Variants in CYRIB observed in about 807,000 individuals in gnomAD.
CYRIB encodes CYFIP-related Rac1 interactor B.
Under a neutral mutation model 44.2 loss-of-function variants are expected in CYRIB, and 8 were observed. The observed-to-expected ratio is 0.18, with a 90% confidence interval of 0.11 to 0.33. The LOEUF is 0.33. Among genes scored for constraint, CYRIB ranks in the 10% least tolerant of loss-of-function variants. CYRIB has a pLI of 1.00. For synonymous variants in CYRIB, 131 were observed against 127.2 expected (o/e 1.03, Z -0.20); for missense variants, 185 against 382.8 (o/e 0.48, Z 4.31).
At chr8:129,842,022 CAG>C (rs1289615890) in exon 12 of CYRIB, 1 of 697,436 alleles carries the variant, frequency 1.4e-6, no homozygotes, top group Admixed American at 2.8e-5. Context: ...GGAAGAGGAA[CAG>C]AGGAAAGAAA....
At chr8:129,976,794 G>C (rs2095939526) in intron 1 of CYRIB, among the ~76,000 whole-genome samples, 1 of 152,094 alleles carries the variant, frequency 6.6e-6, no homozygotes, top group Admixed American at 6.6e-5. Flanking sequence ...TCAGAAGAAA[G>C]AGTTTTTGTG....
At chr8:129,888,178 G>A (rs1257588725) in intron 2 of CYRIB, among the ~76,000 whole-genome samples, 1 of 152,134 alleles carries the variant, frequency 6.6e-6, no homozygotes, top group East Asian at 1.9e-4. Flanking sequence ...TTGTGATAGT[G>A]AGTTCTCATG....
At chr8:129,938,999 G>T (rs893241843) in intron 1 of CYRIB, among the ~76,000 whole-genome samples, 1 of 152,136 alleles carries the variant, frequency 6.6e-6, no homozygotes, top group African/African-American at 2.4e-5. Flanking sequence ...GACTTTAAAC[G>T]CTGATCATTA....
At chr8:129,980,680 A>G (rs2096195325) in intron 1 of CYRIB, among the ~76,000 whole-genome samples, 1 of 151,028 alleles carries the variant, frequency 6.6e-6, no homozygotes, top group African/African-American at 2.4e-5. Flanking sequence ...AAGAAAAAGA[A>G]AAAAAAAACC....
At chr8:129,993,045 G>A (rs1346876657) in intron 1 of CYRIB, among the ~76,000 whole-genome samples, 1 of 152,180 alleles carries the variant, frequency 6.6e-6, no homozygotes, top group African/African-American at 2.4e-5. Flanking sequence ...GGGGTCAGCA[G>A]GGTAACCGTG....
At chr8:129,995,552 G>A (rs2096745964) in intron 1 of CYRIB, among the ~76,000 whole-genome samples, 1 of 152,240 alleles carries the variant, frequency 6.6e-6, no homozygotes, top group Admixed American at 6.5e-5. Flanking sequence ...GGGCACTGGA[G>A]TTACAAAGAT....
At chr8:129,932,142 G>C (rs1474864268) in intron 1 of CYRIB, among the ~76,000 whole-genome samples, 2 of 151,852 alleles carry the variant, frequency 1.3e-5, no homozygotes, top group African/African-American at 4.8e-5. Flanking sequence ...GGGATTACAG[G>C]TGCTCACCAC....
rs1359122569 is a variant in CYRIB at position 130,006,607 on chromosome 8, C to CACACATATATGTGTATATATATAT, written c.-296+9762_-296+9763insATATATATATACACATATATGTGT. ...TAAAAACACAAATTATATATATATA[C>CACACATATATGTGTATATATATAT]ATATATATGTGTATATATATACATA... On this transcript the variant is annotated intron_variant, in intron 1 of 14. Transcript: ENST00000401979. Among the ~76,000 whole-genome samples the CACACATATATGTGTATATATATAT allele has an allele frequency of 4.2e-4, 3 of 7,120 alleles. No individual in the cohort carries two copies. The South Asian group carries it at 0.014, about 33-fold the overall frequency. 4.7% of individuals were successfully genotyped at this position (7,120 alleles called of 152,430 possible).
At chr8:130,001,675 C>T (rs760914899) in intron 1 of CYRIB, among the ~76,000 whole-genome samples, 13 of 151,684 alleles carry the variant, frequency 8.6e-5, no homozygotes, top group Admixed American at 2.0e-4. Context: ...ACTACACGTG[C>T]GCCACCACGC....
At chr8:129,933,014 A>G (rs567098638) in intron 1 of CYRIB, among the ~76,000 whole-genome samples, 66 of 152,314 alleles carry the variant, frequency 4.3e-4, no homozygotes, top group African/African-American at 1.6e-3. Context: ...GGGGAGTATC[A>G]TAACAATAAG....
chr8:129,924,029 G>A (rs1016262779), intron 1 of CYRIB, among the ~76,000 whole-genome samples: 5 of 148,642 alleles, frequency 3.4e-5, no homozygotes, highest in African/African-American at 1.2e-4. Flanking sequence ...CCAACACTTT[G>A]CAAGGCTGAG....
intron 1 of CYRIB, among the ~76,000 whole-genome samples, chr8:130,006,627 T>C (rs796635447): frequency 0.3 from 2,271 of 7,524 alleles, 84 homozygotes; most frequent in East Asian, 0.56. Flanking sequence ...TGTATATATA[T>C]ACATATATAT....
intron 2 of CYRIB, among the ~76,000 whole-genome samples, chr8:129,895,698 A>G (rs143221308): frequency 1.1e-3 from 172 of 152,102 alleles, no homozygotes; most frequent in African/African-American, 3.3e-3. Flanking sequence ...TTGGTTATTT[A>G]TTTATGTATT....
At chr8:129,997,171 A>C (rs1274247440) in intron 1 of CYRIB, among the ~76,000 whole-genome samples, 2 of 150,342 alleles carry the variant, frequency 1.3e-5, no homozygotes, top group Non-Finnish European at 2.9e-5. Flanking sequence ...ATACCAAGTG[A>C]TCTATTCAAG....
upstream of CYRIB, among the ~76,000 whole-genome samples, chr8:129,943,454 A>G (rs2093884667): frequency 6.6e-6 from 1 of 151,056 alleles, no homozygotes; most frequent in Non-Finnish European, 1.5e-5. Flanking sequence ...TTAACCAAAC[A>G]TGGTGGCACG....
chr8:130,007,240 C>G (rs1190210621), intron 1 of CYRIB, among the ~76,000 whole-genome samples: 1 of 152,146 alleles, frequency 6.6e-6, no homozygotes, highest in East Asian at 1.9e-4. Context: ...CCTCTCCCAG[C>G]AGGGTCCAGC....
intron 1 of CYRIB, among the ~76,000 whole-genome samples, chr8:130,014,893 T>C (rs1234579327): frequency 6.6e-6 from 1 of 152,112 alleles, no homozygotes; most frequent in Non-Finnish European, 1.5e-5. Context: ...TTCCCCCACA[T>C]TACAGGAACC....
intron 1 of CYRIB, among the ~76,000 whole-genome samples, chr8:130,013,371 C>G (rs546251121): frequency 4.2e-4 from 64 of 152,296 alleles, no homozygotes; most frequent in African/African-American, 1.4e-3. Context: ...ATCTTACTCT[C>G]TTACTCAGGA....
At chr8:129,844,552 CTCTT>C (rs995326337) in intron 11 of CYRIB, 2 of 152,108 alleles carry the variant, frequency 1.3e-5, no homozygotes, top group East Asian at 1.9e-4. Context: ...ACTCCCAGCT[CTCTT>C]TTTTTCTTTC....
Sources: gnomAD v4.1 joint callset for allele counts (sites outside exome capture counted in the v4.1 genomes callset) on GRCh38, gnomAD v4.1.1 for gene constraint, MANE v1.5 for transcripts, NCBI Gene and HGNC (gene_info 2026-07-23, HGNC 2026-07-21) for gene names.